ITGB2: variants seen among roughly 807,000 people sequenced by gnomAD.
ITGB2 encodes the protein integrin subunit beta 2.
Under a neutral mutation model 86.8 loss-of-function variants are expected in ITGB2, and 56 were observed. The observed-to-expected ratio is 0.65, with a 90% CI of 0.52 to 0.81. ITGB2 has a LOEUF of 0.81. Ranked by LOEUF, ITGB2 falls within the 30% of genes least tolerant of loss-of-function variation. The pLI is 0.00. For synonymous variants in ITGB2, 457 were observed against 450.4 expected (o/e 1.01, Z -0.19); for missense variants, 948 against 1,061.2 (o/e 0.89, Z 1.48).
At chr21:44,889,843 C>T in intron 12 of ITGB2, 135 bp downstream of exon 12, 1 of 1,325,182 alleles carries the variant, frequency 7.5e-7, no homozygotes, top group Non-Finnish European at 1.1e-6. Flanking sequence ...CGCCCGGTGG[C>T]TGGGCGAGAC....
At chr21:44,887,930 G>A (rs961188960) in intron 14 of ITGB2, among the ~76,000 whole-genome samples, 1 of 152,234 alleles carries the variant, frequency 6.6e-6, no homozygotes, top group African/African-American at 2.4e-5. Flanking sequence ...AGTCCTGGCC[G>A]GCTGCTGGCC....
chr21:44,912,849 C>A (rs559098042), intron 1 of ITGB2, among the ~76,000 whole-genome samples: 18 of 134,916 alleles, frequency 1.3e-4, no homozygotes, highest in African/African-American at 4.8e-4. Flanking sequence ...GGCTTCAGGA[C>A]TCCCCCAGGG....
At chr21:44,907,497 G>A (rs1357129428) in intron 3 of ITGB2, among the ~76,000 whole-genome samples, 3 of 152,250 alleles carry the variant, frequency 2.0e-5, no homozygotes, top group Non-Finnish European at 4.4e-5. Context: ...GCAGTCCCTA[G>A]GCCCCCAAGA....
intron 5 of ITGB2, among the ~76,000 whole-genome samples, chr21:44,902,670 C>T (rs552055713): frequency 9.9e-5 from 15 of 151,080 alleles, no homozygotes; most frequent in South Asian, 2.1e-4. Flanking sequence ...CATGTGTGAG[C>T]GTGCATTTGC....
At chr21:44,898,259 A>T (rs2083897141) in intron 8 of ITGB2, among the ~76,000 whole-genome samples, 1 of 152,168 alleles carries the variant, frequency 6.6e-6, no homozygotes, top group Non-Finnish European at 1.5e-5. Flanking sequence ...GCATGAGGCC[A>T]CACATCATCG....
At chr21:44,909,282 A>C (rs376032502) in intron 3 of ITGB2, 2 of 152,288 alleles carry the variant, frequency 1.3e-5, no homozygotes, top group Non-Finnish European at 2.9e-5. Flanking sequence ...AGTGCCTCTC[A>C]TGGGCACTTA....
At chr21:44,928,396 AC>A (rs1238243200) in intron 1 of ITGB2, 1 of 152,318 alleles carries the variant, frequency 6.6e-6, no homozygotes, top group Admixed American at 6.5e-5. Context: ...CAGTCCGTCC[AC>A]ATGGCCCAGC....
chr21:44,886,335 G>T lies in ITGB2; in HGVS notation c.*33C>A. On this transcript the variant is annotated 3_prime_UTR_variant, in exon 16 of 16. Coordinates refer to ENST00000652462, the MANE Select transcript of ITGB2 (RefSeq NM_000211.5). ...GGCCGCGTGATGGGGCAGACATGGT[G>T]GGTCCTGACGGCCTTGTCTTCACCA... 6.3e-7 allele frequency: 1 copy of T among 1,595,108 alleles called. No individual in the cohort carries two copies. The highest frequency in any genetic ancestry group is 8.6e-7 in the Non-Finnish European group (1 of 1,162,688).
chr21:44,892,604 CA>C (rs11327948), intron 10 of ITGB2, among the ~76,000 whole-genome samples: 14,266 of 70,226 alleles, frequency 0.2, 446 homozygotes, highest in East Asian at 0.37. Flanking sequence ...AACTCCATCT[CA>C]AAAAAAAAAA....
At chr21:44,903,284 G>T in intron 5 of ITGB2, 81 bp downstream of exon 5, 1 of 1,554,588 alleles carries the variant, frequency 6.4e-7, no homozygotes. Context: ...ACCTGAGTGC[G>T]AGGAGTTGTG....
intron 5 of ITGB2, 66 bp from the exon 6 acceptor site, chr21:44,901,799 AG>A (rs1407431628): frequency 3.3e-6 from 5 of 1,530,924 alleles, no homozygotes; most frequent in Non-Finnish European, 4.4e-6. Flanking sequence ...CCAGCTTCAA[AG>A]GGGCACGAGG....
intron 1 of ITGB2, among the ~76,000 whole-genome samples, chr21:44,917,131 G>A (rs1045030780): frequency 6.6e-6 from 1 of 152,192 alleles, no homozygotes; most frequent in African/African-American, 2.4e-5. Flanking sequence ...AAACATATGA[G>A]TCACCCCAGG....
intron 1 of ITGB2, among the ~76,000 whole-genome samples, chr21:44,926,218 G>C (rs1003075078): frequency 3.0e-5 from 4 of 131,264 alleles, no homozygotes; most frequent in Non-Finnish European, 6.3e-5. Context: ...CCGTGACCTT[G>C]CTATGGGGGG....
chr21:44,916,515 A>G (rs977071309), intron 1 of ITGB2, among the ~76,000 whole-genome samples: 4 of 152,196 alleles, frequency 2.6e-5, no homozygotes, highest in Admixed American at 6.5e-5. Flanking sequence ...GTTTTAGGGA[A>G]TAAAACAATA....
chr21:44,921,766 G>A (rs956673069), upstream of ITGB2, among the ~76,000 whole-genome samples: 1 of 152,090 alleles, frequency 6.6e-6, no homozygotes, highest in African/African-American at 2.4e-5. Context: ...TTGTCACCCA[G>A]GCTGGAGTGC....
Position 44,892,103 on chromosome 21 carries a change from G to A in ITGB2, c.1225-107C>T, listed in dbSNP as rs8127060. Reference sequence around the variant, plus strand: ...CTGCAGGGGTCCTGGGGGGTTCAGCGTGGGGAGGAAGGGGTGACCAGGAGC... The same window carrying A: ...CTGCAGGGGTCCTGGGGGGTTCAGCATGGGGAGGAAGGGGTGACCAGGAGC... On this transcript the variant is annotated intron_variant, in intron 10 of 15. Transcript: ENST00000652462. 0.011 allele frequency: 12,576 copies of A among 1,126,860 alleles called. 922 individuals carry two copies. In the African/African-American group the frequency reaches 0.16, roughly 15 times the overall value. The allele number at this position is 1,126,860 out of a possible 1,614,324, so 69.8% of individuals were successfully genotyped here. A position where few individuals can be genotyped will look rare whatever the true frequency, so the allele number is the denominator to read the frequency against.
intron 8 of ITGB2, among the ~76,000 whole-genome samples, chr21:44,898,822 C>A (rs1049539564): frequency 1.3e-5 from 2 of 152,242 alleles, no homozygotes; most frequent in African/African-American, 4.8e-5. Flanking sequence ...AATGCCAAGA[C>A]ATGCTGTTAA....
At position 44,886,666 on chromosome 21, in the gene ITGB2, G is replaced by A. The variant is rs1250988761; in HGVS notation, c.2247+70C>T. On this transcript the variant is annotated intron_variant, in intron 15 of 15. Coordinates refer to ENST00000652462, the MANE Select transcript of ITGB2 (RefSeq NM_000211.5). Reference sequence around the variant, plus strand: ...CACACACGGGTGTCCACGGCCTCCCGCAGCAGGAGGTCGCATAGTGTGGGA... The same window carrying A: ...CACACACGGGTGTCCACGGCCTCCCACAGCAGGAGGTCGCATAGTGTGGGA... 24 of 1,600,826 alleles carry A rather than the reference G, an allele frequency of 1.5e-5. No homozygotes were observed. The Admixed American group carries it at 1.8e-4, about 12-fold the overall frequency.
intron 12 of ITGB2, 125 bp downstream of exon 12, chr21:44,889,853 C>T: frequency 7.1e-7 from 1 of 1,409,660 alleles, no homozygotes; most frequent in South Asian, 1.2e-5. Context: ...CTGGGCGAGA[C>T]TTGCACTGTC....
Sources: allele counts gnomAD v4.1 joint callset (sites outside exome capture counted in the v4.1 genomes callset), GRCh38; gene constraint gnomAD v4.1.1; transcripts MANE v1.5; gene names NCBI Gene and HGNC (gene_info 2026-07-23, HGNC 2026-07-21).